Variants in TBL1XR1 observed in about 807,000 individuals in gnomAD.
The protein encoded by TBL1XR1 is TBL1X/Y related 1, also known as F-box-like/WD repeat-containing protein TBL1XR1.
TBL1XR1 carries 5 observed loss-of-function variants against 66.9 expected under a neutral mutation model. The ratio of observed to expected loss-of-function variants is 0.07; its 90% CI spans 0.04 to 0.16. The LOEUF (loss-of-function observed/expected upper bound fraction) is 0.16. TBL1XR1 is among the 10% of genes least tolerant of loss of function. The pLI is 1.00. For synonymous variants in TBL1XR1, 210 were observed against 206.0 expected, an observed-to-expected ratio of 1.02 and a Z score of -0.17; for missense variants, 238 against 623.2, an observed-to-expected ratio of 0.38 and a Z score of 6.58.
chr3:177,145,495 G>C (rs1730140817), intron 1 of TBL1XR1, among the ~76,000 whole-genome samples: 1 of 152,022 alleles, frequency 6.6e-6, no homozygotes. Context: ...AGACCCTCTA[G>C]AATAAAGGCA....
chr3:177,034,159 A>C (rs753058236), intron 13 of TBL1XR1, 39 bp downstream of exon 13: 2 of 1,575,108 alleles, frequency 1.3e-6, no homozygotes, highest in Middle Eastern at 1.8e-4. Flanking sequence ...TCTGATTTGT[A>C]GAAGACTCAT....
chr3:177,042,908 A>AT (rs201763588), intron 10 of TBL1XR1, among the ~76,000 whole-genome samples: 19 of 151,994 alleles, frequency 1.3e-4, no homozygotes, highest in African/African-American at 3.1e-4. Flanking sequence ...TACTGACTTT[A>AT]TTTTTAAAAA....
rs138603067 is a variant in TBL1XR1, at chr3:177,168,574, G to A, written c.-122+28547C>T. ...TGGGATTACAGGGGTGAGCTACCACGTCCGGCCATGAACCGTTTTCTAAAG... is the reference window on the plus strand; with the variant it reads ...TGGGATTACAGGGGTGAGCTACCACATCCGGCCATGAACCGTTTTCTAAAG... On this transcript the variant is annotated intron_variant, in intron 1 of 15. Transcript: ENST00000457928. Among the ~76,000 whole-genome samples, 702 of 152,244 alleles carry A rather than the reference G, an allele frequency of 4.6e-3. 11 individuals carry two copies. The highest frequency in any genetic ancestry group is 0.016 in the African/African-American group (674 of 41,542).
chr3:177,159,012 G>C (rs1458145090), intron 1 of TBL1XR1, among the ~76,000 whole-genome samples: 6 of 152,082 alleles, frequency 3.9e-5, no homozygotes. Context: ...AGCATTCAAA[G>C]AGCCTCAATG....
intron 1 of TBL1XR1, among the ~76,000 whole-genome samples, chr3:177,110,002 T>G (rs1269294988): frequency 6.6e-6 from 1 of 152,152 alleles, no homozygotes; most frequent in Non-Finnish European, 1.5e-5. Context: ...ACAAAATACG[T>G]CATTTATGTT....
intron 1 of TBL1XR1, among the ~76,000 whole-genome samples, chr3:177,125,450 T>C (rs73187552): frequency 0.07 from 10,703 of 152,268 alleles, 536 homozygotes; most frequent in Admixed American, 0.17. Context: ...CTGGTGGAAA[T>C]GCAAAATGCT....
intron 1 of TBL1XR1, among the ~76,000 whole-genome samples, chr3:177,183,737 T>C (rs1044035272): frequency 2.6e-5 from 4 of 151,692 alleles, no homozygotes; most frequent in African/African-American, 9.7e-5. Context: ...AGTGCTGGGA[T>C]TACAGGCATG....
chr3:177,113,993 A>G (rs765860964), intron 1 of TBL1XR1, among the ~76,000 whole-genome samples: 13 of 152,190 alleles, frequency 8.5e-5, no homozygotes, highest in Non-Finnish European at 1.8e-4. Flanking sequence ...CAATCCCACT[A>G]CTGGGTAAAT....
intron 3 of TBL1XR1, among the ~76,000 whole-genome samples, chr3:177,062,523 T>C (rs550862517): frequency 6.6e-6 from 1 of 152,222 alleles, no homozygotes. Context: ...CTGGGAAAAC[T>C]GCCATAAGTC....
chr3:177,089,497 G>A (rs1722564952), intron 2 of TBL1XR1, among the ~76,000 whole-genome samples: 1 of 152,152 alleles, frequency 6.6e-6, no homozygotes, highest in Non-Finnish European at 1.5e-5. Flanking sequence ...GAGTCCAACT[G>A]AACAAAAAAA....
At position 177,019,570 on chromosome 3, in the gene TBL1XR1, T is replaced by C. The variant is rs190116740; in HGVS notation, c.*5928A>G. 6 of 152,324 alleles carry C rather than the reference T, an allele frequency of 3.9e-5. No individual in the cohort carries two copies. Among genetic ancestry groups the C allele is most frequent in the Admixed American group, 1.3e-4 (2 of 15,310 alleles). The allele number at this position is 152,324 out of a possible 1,614,324, so 9.4% of individuals were successfully genotyped here. A position where few individuals can be genotyped will look rare whatever the true frequency, so the allele number is the denominator to read the frequency against. ...AGAGAAAAGCACCATAAAACTACCA[T>C]CTAAAGTGTCTTTTCCTCCACTGTA... is the stretch of plus-strand genomic sequence containing the variant. On this transcript the variant is annotated 3_prime_UTR_variant, in exon 16 of 16. Coordinates refer to ENST00000457928, the MANE Select transcript of TBL1XR1 (RefSeq NM_024665.7).
intron 1 of TBL1XR1, among the ~76,000 whole-genome samples, chr3:177,178,101 G>A (rs767571427): frequency 9.9e-5 from 15 of 152,184 alleles, no homozygotes; most frequent in African/African-American, 3.1e-4. Context: ...GCTGAGACAG[G>A]AATAAGCTTG....
chr3:177,091,899 A>G (rs1722884801), intron 2 of TBL1XR1, among the ~76,000 whole-genome samples: 1 of 152,182 alleles, frequency 6.6e-6, no homozygotes, highest in South Asian at 2.1e-4. Flanking sequence ...CACATAATAA[A>G]AGCTTGATAT....
intron 1 of TBL1XR1, 102 bp from the exon 2 acceptor site, chr3:177,098,643 C>T (rs1723804597): frequency 1.8e-6 from 1 of 541,518 alleles, no homozygotes; most frequent in Non-Finnish European, 2.4e-6. Context: ...TCTTTAAGGT[C>T]CCCACCAGTG....
At chr3:177,043,623 T>C (rs897350312) in intron 10 of TBL1XR1, among the ~76,000 whole-genome samples, 1 of 152,192 alleles carries the variant, frequency 6.6e-6, no homozygotes, top group Non-Finnish European at 1.5e-5. Flanking sequence ...AGGCAGTATA[T>C]AGTTGAGTCT....
At position 177,141,761 on chromosome 3, in the gene TBL1XR1, G is replaced by A. The variant is rs935724483; in HGVS notation, c.-121-43220C>T. 5.3e-5 allele frequency among the ~76,000 whole-genome samples: 8 copies of A among 152,164 alleles called. 1 individual carries two copies. Among genetic ancestry groups the A allele is most frequent in the Admixed American group, 1.3e-4 (2 of 15,268 alleles). On this transcript the variant is annotated intron_variant, in intron 1 of 15. Coordinates refer to ENST00000457928, the MANE Select transcript of TBL1XR1 (RefSeq NM_024665.7). ...TCTCAAAAGAGATACTTGTACACCCGTGTTCACAGCAGCACTATTCACAAT... is the reference window on the plus strand; with the variant it reads ...TCTCAAAAGAGATACTTGTACACCCATGTTCACAGCAGCACTATTCACAAT...
intron 1 of TBL1XR1, among the ~76,000 whole-genome samples, chr3:177,098,936 A>G (rs933246134): frequency 6.6e-5 from 10 of 152,218 alleles, no homozygotes; most frequent in Admixed American, 5.9e-4. Flanking sequence ...AAAGAGAAAT[A>G]TATCATTGGT....
intron 2 of TBL1XR1, among the ~76,000 whole-genome samples, chr3:177,087,419 A>AG (rs1356591590): frequency 1.3e-5 from 2 of 152,152 alleles, no homozygotes; most frequent in Non-Finnish European, 2.9e-5. Context: ...TAACATATAG[A>AG]GGGTTGTGAA....
At chr3:177,186,233 A>T (rs1203429576) in intron 1 of TBL1XR1, among the ~76,000 whole-genome samples, 4 of 152,162 alleles carry the variant, frequency 2.6e-5, no homozygotes, top group Non-Finnish European at 5.9e-5. Flanking sequence ...GTTACTAAAG[A>T]GGACAGAGAA....
Sources: gnomAD v4.1 joint callset for allele counts (sites outside exome capture counted in the v4.1 genomes callset) on GRCh38, gnomAD v4.1.1 for gene constraint, MANE v1.5 for transcripts, NCBI Gene and HGNC (gene_info 2026-07-23, HGNC 2026-07-21) for gene names.